The following C10orf90 variants were observed in gnomAD, a reference collection of about 807,000 sequenced individuals.
C10orf90 encodes chromosome 10 open reading frame 90, also known as (E2-independent) E3 ubiquitin-conjugating enzyme FATS.
In C10orf90, 56 loss-of-function variants were observed where a neutral mutation model predicts 62.5. That is an observed-to-expected ratio of 0.90 (90% CI 0.72 to 1.12). C10orf90 has a LOEUF of 1.12. Ranked by LOEUF, C10orf90 falls within the 50% of genes most tolerant of loss-of-function variation. The probability of loss-of-function intolerance (pLI) is 0.00; values close to 1 mark genes in which losing one functional copy is unlikely to be tolerated. For synonymous variants in C10orf90, 386 were observed against 340.4 expected (o/e 1.13, Z -1.47); for missense variants, 970 against 880.4 (o/e 1.10, Z -1.29).
intron 2 of C10orf90, among the ~76,000 whole-genome samples, chr10:126,542,892 C>T (rs1199406800): frequency 6.6e-6 from 1 of 152,180 alleles, no homozygotes; most frequent in Admixed American, 6.5e-5. Flanking sequence ...TTCAATGCCA[C>T]ATGTGCCTCA....
chr10:126,539,595 GA>G (rs1309195785), intron 2 of C10orf90, among the ~76,000 whole-genome samples: 2 of 152,100 alleles, frequency 1.3e-5, no homozygotes, highest in African/African-American at 2.4e-5. Context: ...TAATATGAAT[GA>G]GATGACTAAG....
chr10:126,560,728 T>C (rs1176180764), intron 2 of C10orf90, among the ~76,000 whole-genome samples: 4 of 152,204 alleles, frequency 2.6e-5, no homozygotes, highest in African/African-American at 4.8e-5. Flanking sequence ...TTGCAGGCCA[T>C]GCTGTCTCTG....
intron 4 of C10orf90, among the ~76,000 whole-genome samples, chr10:126,487,648 T>C (rs1045271992): frequency 5.9e-5 from 9 of 152,114 alleles, no homozygotes; most frequent in African/African-American, 1.7e-4. Context: ...CCATCGGAAA[T>C]AATTTACCAC....
At chr10:126,520,544 C>T (rs865938177) in intron 2 of C10orf90, 2 of 152,264 alleles carry the variant, frequency 1.3e-5, no homozygotes, top group African/African-American at 4.8e-5. Flanking sequence ...GGCTCAAGAT[C>T]GCTTCTCTTA....
chr10:126,467,565 G>A (rs938165500), intron 4 of C10orf90, among the ~76,000 whole-genome samples: 15 of 152,100 alleles, frequency 9.9e-5, no homozygotes, highest in East Asian at 1.9e-4. Flanking sequence ...CACTTATCCC[G>A]GGCATTTCCA....
chr10:126,484,751 A>G (rs1036497775), intron 4 of C10orf90, among the ~76,000 whole-genome samples: 2 of 152,210 alleles, frequency 1.3e-5, no homozygotes, highest in Non-Finnish European at 2.9e-5. Flanking sequence ...AGGTATAGTC[A>G]AAGTTTTACA....
At chr10:126,633,951 A>G (rs186832001) in intron 2 of C10orf90, among the ~76,000 whole-genome samples, 35 of 152,324 alleles carry the variant, frequency 2.3e-4, no homozygotes, top group Admixed American at 1.1e-3. Flanking sequence ...CACCTGTCAG[A>G]ATGGCTGTTA....
chr10:126,441,822 A>C (rs998574882), intron 7 of C10orf90, among the ~76,000 whole-genome samples: 1 of 152,188 alleles, frequency 6.6e-6, no homozygotes, highest in Non-Finnish European at 1.5e-5. Context: ...TATTTTTCAG[A>C]TAAACAAATG....
chr10:126,469,661 T>G, intron 4 of C10orf90: 1 of 347,066 alleles, frequency 2.9e-6, no homozygotes, highest in Admixed American at 3.8e-5. Flanking sequence ...GCCATGAACC[T>G]AAACAGCCCC....
In C10orf90 at chr10:126,504,212, G is replaced by T; in HGVS notation, c.1279C>A (p.Leu427Ile). The T allele has an allele frequency of 1.9e-6, 3 of 1,614,176 alleles. No homozygotes were observed. Among genetic ancestry groups the T allele is most frequent in the Non-Finnish European group, 1.7e-6 (2 of 1,180,040 alleles). Residue 427 changes from leucine (L) to isoleucine (I), a missense_variant, in exon 4 of 10, where the codon CTC (leucine) becomes ATC (isoleucine). By Grantham distance (5) the Leu-to-Ile change is conservative. Coordinates refer to ENST00000488181, the MANE Select transcript of C10orf90 (RefSeq NM_001350921.2). The surrounding 1 kb of genome is among the most constrained non-coding windows in gnomAD (Gnocchi z 4.1). ...KQELLEGDQD[L>I]VGQRWNPGLQ... ...CCTGGGTTCCAGCGCTGGCCTACGA[G>T]GTCCTGGTCTCCCTCCAGGAGCTCC...
At chr10:126,462,158 T>C (rs1367745151) in intron 5 of C10orf90, among the ~76,000 whole-genome samples, 3 of 152,132 alleles carry the variant, frequency 2.0e-5, no homozygotes, top group Admixed American at 6.5e-5. Flanking sequence ...TCCAACAGCA[T>C]CTCAGGCAAG....
chr10:126,638,381 T>C (rs2133839737), intron 2 of C10orf90, among the ~76,000 whole-genome samples: 1 of 152,248 alleles, frequency 6.6e-6, no homozygotes, highest in Non-Finnish European at 1.5e-5. Flanking sequence ...CTGTGTCCTC[T>C]TGCTGCACCC....
chr10:126,630,212 G>C (rs1488356370), intron 2 of C10orf90, among the ~76,000 whole-genome samples: 2 of 152,062 alleles, frequency 1.3e-5, no homozygotes, highest in East Asian at 1.9e-4. Context: ...TGATGCCCTC[G>C]TACTTCACCA....
chr10:126,648,175 A>G (rs1846208783), intron 1 of C10orf90, among the ~76,000 whole-genome samples: 1 of 149,738 alleles, frequency 6.7e-6, no homozygotes, highest in Non-Finnish European at 1.5e-5. Flanking sequence ...TTTTTTTTTT[A>G]ATCAGGAACA....
rs192261201 is a variant in C10orf90, at chr10:126,642,348, T to A, written c.313+4217A>T. On this transcript the variant is annotated intron_variant, in intron 2 of 9. Coordinates refer to ENST00000488181, the MANE Select transcript of C10orf90 (RefSeq NM_001350921.2). ...GAGATCGAGACCATCCTGGCTAACA[T>A]GGTGAAACCCCGTCTCTACTAAAAA... Among the ~76,000 whole-genome samples, 43 of 151,932 alleles carry A rather than the reference T, an allele frequency of 2.8e-4. No homozygotes were observed. The South Asian group carries it at 6.5e-3, about 23-fold the overall frequency.
chr10:126,491,690 G>T (rs536995955), intron 4 of C10orf90, among the ~76,000 whole-genome samples: 1 of 152,182 alleles, frequency 6.6e-6, no homozygotes, highest in East Asian at 1.9e-4. Flanking sequence ...TTCAAGTTGC[G>T]TGAGAATTTC....
intron 2 of C10orf90, among the ~76,000 whole-genome samples, chr10:126,629,658 T>G (rs965091797): frequency 3.3e-5 from 5 of 152,242 alleles, no homozygotes; most frequent in Non-Finnish European, 7.3e-5. Flanking sequence ...CCAGGAAACC[T>G]GAAGCTCACA....
intron 2 of C10orf90, among the ~76,000 whole-genome samples, chr10:126,609,529 T>C (rs1845386625): frequency 6.6e-6 from 1 of 152,244 alleles, no homozygotes; most frequent in Non-Finnish European, 1.5e-5. Context: ...AGTGCTTATC[T>C]ATCAACAGGT....
chr10:126,634,901 G>A (rs1294734832), intron 2 of C10orf90, among the ~76,000 whole-genome samples: 11 of 152,216 alleles, frequency 7.2e-5, no homozygotes, highest in African/African-American at 2.2e-4. Flanking sequence ...ATTTTAATCC[G>A]TGCTCTGGGC....
Sources: allele counts gnomAD v4.1 joint callset (sites outside exome capture counted in the v4.1 genomes callset), GRCh38; gene constraint gnomAD v4.1.1; non-coding constraint Gnocchi (gnomAD v3.1); transcripts MANE v1.5; gene names NCBI Gene and HGNC (gene_info 2026-07-23, HGNC 2026-07-21).